The following SETD3 variants were observed in gnomAD, a reference collection of about 807,000 sequenced individuals.
SETD3 encodes actin-histidine N-methyltransferase.
A neutral mutation model predicts 63.0 loss-of-function variants in SETD3; 19 were observed. The observed-to-expected ratio is 0.30, with a 90% confidence interval of 0.21 to 0.44. The LOEUF (loss-of-function observed/expected upper bound fraction) is 0.44. SETD3 is among the 20% of genes least tolerant of loss of function. The pLI is 1.00. For missense variants in SETD3, 587 were observed against 728.5 expected (o/e 0.81, Z 2.24); for synonymous variants, 286 against 264.1 (o/e 1.08, Z -0.80).
chr14:99,475,175 A>G (rs1017122226), intron 1 of SETD3, among the ~76,000 whole-genome samples: 4 of 152,232 alleles, frequency 2.6e-5, no homozygotes, highest in Non-Finnish European at 5.9e-5. Flanking sequence ...AACCACCCAC[A>G]TTCCTTAACA....
chr14:99,477,949 T>C (rs1016226180), intron 1 of SETD3, among the ~76,000 whole-genome samples: 7 of 152,108 alleles, frequency 4.6e-5, no homozygotes. Context: ...CAGAAAACCA[T>C]TGTAAAGGCA....
intron 3 of SETD3, among the ~76,000 whole-genome samples, chr14:99,462,469 C>T (rs1315393309): frequency 6.6e-6 from 1 of 152,186 alleles, no homozygotes; most frequent in Non-Finnish European, 1.5e-5. Flanking sequence ...GCGAAGATAC[C>T]TGCTAAATGG....
At chr14:99,409,200 T>A (rs1891842975) in intron 8 of SETD3, among the ~76,000 whole-genome samples, 1 of 152,092 alleles carries the variant, frequency 6.6e-6, no homozygotes. Context: ...CAATACTGAG[T>A]GCCATACTAT....
chr14:99,441,263 A>C (rs915117207), intron 6 of SETD3, among the ~76,000 whole-genome samples: 2 of 152,194 alleles, frequency 1.3e-5, no homozygotes, highest in Non-Finnish European at 2.9e-5. Context: ...CGACTGAACC[A>C]CAGGACCTAA....
chr14:99,425,547 G>A (rs541142419), intron 6 of SETD3, among the ~76,000 whole-genome samples: 3 of 152,360 alleles, frequency 2.0e-5, no homozygotes, highest in Admixed American at 6.5e-5. Flanking sequence ...GTCAGTAGGC[G>A]TCAGCTGTTA....
At chr14:99,451,952 T>C (rs1430389263) in intron 6 of SETD3, among the ~76,000 whole-genome samples, 1 of 152,176 alleles carries the variant, frequency 6.6e-6, no homozygotes, top group Non-Finnish European at 1.5e-5. Context: ...GAAGAAGATA[T>C]TTGACATACA....
At chr14:99,411,655 A>G (rs539098137) in intron 8 of SETD3, 2 of 152,364 alleles carry the variant, frequency 1.3e-5, no homozygotes, top group East Asian at 1.9e-4. Flanking sequence ...AAAACACTAC[A>G]GTCAGATATT....
At chr14:99,439,359 GC>G (rs1893661783) in intron 6 of SETD3, among the ~76,000 whole-genome samples, 1 of 152,160 alleles carries the variant, frequency 6.6e-6, no homozygotes, top group Non-Finnish European at 1.5e-5. Flanking sequence ...TCACCTGACT[GC>G]CCCAAGCTTC....
rs1257264 is a variant in SETD3 at position 99,406,497 on chromosome 14, G to T, written c.924+19C>A. The T allele has an allele frequency of 4.9e-3, 7,931 of 1,613,094 alleles. 340 individuals carry two copies. In the African/African-American group the frequency reaches 0.091, roughly 19 times the overall value. On this transcript the variant is annotated intron_variant, in intron 9 of 12. Coordinates refer to ENST00000331768, the MANE Select transcript of SETD3 (RefSeq NM_032233.3). ...GCCCACTGGCTGGCTCACATTTTGT[G>T]AGATGCCACGAGACCCACCTGCTCT...
rs117186279 is a variant in SETD3 at position 99,426,889 on chromosome 14, G to A, written c.676-12955C>T. On this transcript the variant is annotated intron_variant, in intron 6 of 12. Transcript: ENST00000331768. The stretch of plus-strand genomic sequence containing the variant: ...TCCACTTACACCTCGCTCGGCCAAC[G>A]AGGGCAGAGGCCTTGCCTTTCATAT... 6.2e-4 allele frequency among the ~76,000 whole-genome samples: 95 copies of A among 152,242 alleles called. 1 individual carries two copies. The East Asian group carries it at 0.016, about 25-fold the overall frequency.
intron 3 of SETD3, 98 bp downstream of exon 3, chr14:99,463,385 ACAC>A (rs1895183892): frequency 2.4e-6 from 2 of 837,192 alleles, no homozygotes; most frequent in Admixed American, 4.2e-5. Flanking sequence ...TTTCAGAGTG[ACAC>A]CAATGATGCT....
At position 99,424,969 on chromosome 14, in the gene SETD3, G is replaced by C. The variant is rs548160968; in HGVS notation, c.676-11035C>G. Among the ~76,000 whole-genome samples, 5 of 152,218 alleles carry C rather than the reference G, an allele frequency of 3.3e-5. No homozygotes were observed. In the East Asian group the frequency reaches 9.7e-4, roughly 29 times the overall value. On this transcript the variant is annotated intron_variant, in intron 6 of 12. Transcript: ENST00000331768. ...GAAACTTCACAACACTCAGCACCCG[G>C]GAGCAGAAGCTGAGAAAGGGGATGG... is the stretch of plus-strand genomic sequence containing the variant.
chr14:99,443,255 A>ATTTTTTTTT (rs996583091), intron 6 of SETD3, among the ~76,000 whole-genome samples: 3 of 108,756 alleles, frequency 2.8e-5, no homozygotes, highest in African/African-American at 7.8e-5. Flanking sequence ...CTGAACTCCC[A>ATTTTTTTTT]TTTTTTTTTT....
intron 1 of SETD3, among the ~76,000 whole-genome samples, chr14:99,477,155 G>A (rs574679786): frequency 1.6e-4 from 24 of 151,946 alleles, no homozygotes; most frequent in African/African-American, 5.8e-4. Context: ...GGACTCACTA[G>A]TTCACTTCTA....
At chr14:99,464,366 C>T (rs1420379403) in intron 2 of SETD3, among the ~76,000 whole-genome samples, 1 of 152,226 alleles carries the variant, frequency 6.6e-6, no homozygotes, top group Non-Finnish European at 1.5e-5. Context: ...TGGCAAATAA[C>T]TAACAATAAC....
chr14:99,459,809 G>A (rs774852732), intron 4 of SETD3, among the ~76,000 whole-genome samples: 103 of 152,166 alleles, frequency 6.8e-4, no homozygotes, highest in Non-Finnish European at 1.1e-3. Context: ...TGCACATGGC[G>A]CTCCAACATG....
At chr14:99,418,001 T>C (rs1335191632) in intron 6 of SETD3, among the ~76,000 whole-genome samples, 8 of 152,214 alleles carry the variant, frequency 5.3e-5, no homozygotes, top group Non-Finnish European at 8.8e-5. Context: ...CTACCCAGAC[T>C]GATTTTTACT....
chr14:99,415,738 C>T (rs1326172585), intron 6 of SETD3, among the ~76,000 whole-genome samples: 1 of 152,154 alleles, frequency 6.6e-6, no homozygotes, highest in Non-Finnish European at 1.5e-5. Context: ...AGGGTGTACA[C>T]ACTGTACATA....
intron 6 of SETD3, among the ~76,000 whole-genome samples, chr14:99,415,602 G>GAA: frequency 6.8e-6 from 1 of 146,122 alleles, no homozygotes; most frequent in Admixed American, 6.8e-5. Context: ...ATCATTTAGG[G>GAA]AAAAAAAAAA....
Sources: gnomAD v4.1 joint callset for allele counts (sites outside exome capture counted in the v4.1 genomes callset) on GRCh38, gnomAD v4.1.1 for gene constraint, MANE v1.5 for transcripts, NCBI Gene and HGNC (gene_info 2026-07-23, HGNC 2026-07-21) for gene names.